ROBO2: variants seen among roughly 807,000 people sequenced by gnomAD.
ROBO2 encodes the protein roundabout homolog 2.
A neutral mutation model predicts 160.8 loss-of-function variants in ROBO2; 53 were observed. The observed-to-expected ratio is 0.33, with a 90% CI of 0.26 to 0.41. ROBO2 has a LOEUF of 0.41. Among genes scored for constraint, ROBO2 ranks in the 10% least tolerant of loss-of-function variants. The probability of loss-of-function intolerance (pLI) is 1.00; values close to 1 mark genes in which losing one functional copy is unlikely to be tolerated. For synonymous variants in ROBO2, 664 were observed against 611.7 expected, an observed-to-expected ratio of 1.09 and a Z score of -1.26; for missense variants, 1,577 against 1,722.4, an observed-to-expected ratio of 0.92 and a Z score of 1.49.
intron 2 of ROBO2, among the ~76,000 whole-genome samples, chr3:76,388,778 A>G (rs1011904221): frequency 1.3e-5 from 2 of 151,816 alleles, no homozygotes; most frequent in African/African-American, 4.8e-5. Context: ...TCCATCATCC[A>G]TTCATCTTTC....
intron 2 of ROBO2, among the ~76,000 whole-genome samples, chr3:76,458,720 A>G (rs1331756373): frequency 6.6e-6 from 1 of 152,210 alleles, no homozygotes; most frequent in Non-Finnish European, 1.5e-5. Flanking sequence ...GGGTGGCCTC[A>G]GAATCATGAT....
chr3:77,031,281 G>T (rs1277847161), intron 2 of ROBO2, among the ~76,000 whole-genome samples: 1 of 151,860 alleles, frequency 6.6e-6, no homozygotes, highest in Non-Finnish European at 1.5e-5. Flanking sequence ...TGAGATCTTA[G>T]AATAGTTTGT....
At chr3:77,555,962 A>AT (rs141630384) in intron 8 of ROBO2, among the ~76,000 whole-genome samples, 8 of 152,048 alleles carry the variant, frequency 5.3e-5, no homozygotes, top group African/African-American at 1.9e-4. Flanking sequence ...CAGTAAAAAA[A>AT]CAGAAAGAAA....
chr3:76,934,378 T>C (rs1034694956), intron 2 of ROBO2, among the ~76,000 whole-genome samples: 2 of 152,138 alleles, frequency 1.3e-5, no homozygotes, highest in Non-Finnish European at 2.9e-5. Context: ...TATGATTTGC[T>C]TAAATAAAAA....
At chr3:76,330,175 T>C (rs1292485164) in intron 2 of ROBO2, among the ~76,000 whole-genome samples, 1 of 152,144 alleles carries the variant, frequency 6.6e-6, no homozygotes, top group Non-Finnish European at 1.5e-5. Context: ...CCTTGCAGTC[T>C]AAAAAGGAAC....
chr3:75,920,834 A>G (rs1947011246), intron 1 of ROBO2, among the ~76,000 whole-genome samples: 1 of 149,762 alleles, frequency 6.7e-6, no homozygotes, highest in African/African-American at 2.4e-5. Flanking sequence ...TTTATTAGAG[A>G]CTAGGATTGA....
chr3:76,400,639 A>G (rs181543512), intron 2 of ROBO2, among the ~76,000 whole-genome samples: 10 of 151,656 alleles, frequency 6.6e-5, no homozygotes, highest in Non-Finnish European at 1.0e-4. Context: ...AGAAGGCTAC[A>G]TCATCACACA....
At position 77,167,365 on chromosome 3, in the gene ROBO2, T is replaced by A. The variant is rs542671034; in HGVS notation, c.388+69025T>A. Among the ~76,000 whole-genome samples, 5 of 152,314 alleles carry A rather than the reference T, an allele frequency of 3.3e-5. No homozygotes were observed. The South Asian group carries it at 8.3e-4, about 25-fold the overall frequency. On this transcript the variant is annotated intron_variant, in intron 2 of 25. Transcript: ENST00000461745. Reference sequence around the variant, plus strand: ...AACATTCTGTGTAGAAAATATAGTATAAAAAGTCTTTGCAATTGCTCTAAT... The same window carrying A: ...AACATTCTGTGTAGAAAATATAGTAAAAAAAGTCTTTGCAATTGCTCTAAT...
intron 2 of ROBO2, among the ~76,000 whole-genome samples, chr3:77,251,474 C>T (rs2090338143): frequency 6.6e-6 from 1 of 152,106 alleles, no homozygotes; most frequent in Non-Finnish European, 1.5e-5. Flanking sequence ...CCCTAGCTTG[C>T]TTAGAAGATC....
At chr3:75,917,544 A>G (rs1337155133) in intron 1 of ROBO2, among the ~76,000 whole-genome samples, 1 of 152,248 alleles carries the variant, frequency 6.6e-6, no homozygotes, top group African/African-American at 2.4e-5. Flanking sequence ...TCCTTTGGGT[A>G]GATACCCAGT....
At chr3:76,988,784 T>C (rs113339779) in intron 2 of ROBO2, among the ~76,000 whole-genome samples, 11 of 152,116 alleles carry the variant, frequency 7.2e-5, no homozygotes, top group African/African-American at 2.7e-4. Context: ...AACTGCAGTT[T>C]GTGCTTCGAG....
intron 1 of ROBO2, among the ~76,000 whole-genome samples, chr3:75,926,341 C>A (rs1312547360): frequency 6.6e-6 from 1 of 152,126 alleles, no homozygotes; most frequent in Non-Finnish European, 1.5e-5. Context: ...TATTTAATCA[C>A]CCAGGTATTA....
At chr3:77,632,331 T>G (rs2095180423) in intron 23 of ROBO2, 1 of 604,746 alleles carries the variant, frequency 1.7e-6, no homozygotes, top group African/African-American at 1.8e-5. Flanking sequence ...AAAATGTACA[T>G]GATACTTGCA....
intron 2 of ROBO2, among the ~76,000 whole-genome samples, chr3:77,133,352 G>A (rs1436395902): frequency 6.6e-6 from 1 of 152,148 alleles, no homozygotes; most frequent in Non-Finnish European, 1.5e-5. Context: ...AACCCACATT[G>A]TCCCATTTCT....
chr3:77,632,270 A>C, intron 23 of ROBO2: 1 of 471,344 alleles, frequency 2.1e-6, no homozygotes, highest in South Asian at 4.4e-5. Flanking sequence ...TATGTGCTGC[A>C]AACAGATACA....
intron 2 of ROBO2, among the ~76,000 whole-genome samples, chr3:76,699,602 C>CT (rs1185880353): frequency 1.3e-5 from 2 of 152,076 alleles, no homozygotes; most frequent in Admixed American, 6.6e-5. Flanking sequence ...ACGTAGTTTC[C>CT]TTTTTTAGTC....
At chr3:76,869,278 T>C (rs1172274216) in intron 2 of ROBO2, among the ~76,000 whole-genome samples, 2 of 151,938 alleles carry the variant, frequency 1.3e-5, no homozygotes, top group Non-Finnish European at 2.9e-5. Context: ...AAATAACATA[T>C]TTTCGCAACA....
chr3:76,829,082 C>G (rs2066836251), intron 2 of ROBO2, among the ~76,000 whole-genome samples: 1 of 152,100 alleles, frequency 6.6e-6, no homozygotes, highest in Admixed American at 6.6e-5. Context: ...AAGACCACAT[C>G]TGAGTAGTTC....
intron 2 of ROBO2, among the ~76,000 whole-genome samples, chr3:76,214,172 C>T (rs1216672502): frequency 6.6e-6 from 1 of 152,152 alleles, no homozygotes; most frequent in East Asian, 1.9e-4. Flanking sequence ...CAAATAAAGA[C>T]AATAGCAATG....
Sources: gnomAD v4.1 joint callset for allele counts (sites outside exome capture counted in the v4.1 genomes callset) on GRCh38, gnomAD v4.1.1 for gene constraint, MANE v1.5 for transcripts, NCBI Gene and HGNC (gene_info 2026-07-23, HGNC 2026-07-21) for gene names.